The following TIGD3 variants were observed in gnomAD, a reference collection of about 807,000 sequenced individuals.
TIGD3 encodes tigger transposable element-derived protein 3.
In TIGD3, 7 loss-of-function variants were observed where a neutral mutation model predicts 14.8. That is an observed-to-expected ratio of 0.47 (90% CI 0.27 to 0.89). TIGD3 has a LOEUF of 0.89. Ranked by LOEUF, TIGD3 falls within the 40% of genes least tolerant of loss-of-function variation. The pLI is 0.13. For missense variants in TIGD3, 581 were observed against 611.0 expected (o/e 0.95, Z 0.52); for synonymous variants, 243 against 269.4 (o/e 0.90, Z 0.96).
chr11:65,355,934 G>T lies in TIGD3; in HGVS notation c.126G>T (p.Gln42His). Residue 42 changes from glutamine (Q) to histidine (H), a missense_variant, in exon 2 of 2, where the codon CAG (glutamine) becomes CAT (histidine). Transcript: ENST00000309880. ...TGGCCCGGCGCTTCCAGGTTTCCCA[G>T]CCCCAGATCTCGCGCATCTGCAAGA... is the stretch of plus-strand genomic sequence containing the variant. ...SEVARRFQVS[Q>H]PQISRICKNK... 1.2e-6 allele frequency: 2 copies of T among 1,613,902 alleles called. No individual in the cohort carries two copies. The highest frequency in any genetic ancestry group is 1.7e-6 in the Non-Finnish European group (2 of 1,180,040).
Position 65,357,335 on chromosome 11 carries a change from A to C in TIGD3, c.*111A>C, listed in dbSNP as rs779779182. ...TTCCTGTGGAAATAGAACTGTCGTA[A>C]AGGTGTAGAAGGGAGAGAAGTTGGG... On this transcript the variant is annotated 3_prime_UTR_variant, in exon 2 of 2. Coordinates refer to ENST00000309880, the MANE Select transcript of TIGD3 (RefSeq NM_145719.3). 2.2e-4 allele frequency: 229 copies of C among 1,026,306 alleles called. No homozygotes were observed. The highest frequency in any genetic ancestry group is 6.1e-4 in the Middle Eastern group (2 of 3,254). The allele number at this position is 1,026,306 out of a possible 1,614,324, so 63.6% of individuals were successfully genotyped here. A position where few individuals can be genotyped will look rare whatever the true frequency, so the allele number is the denominator to read the frequency against.
intron 1 of TIGD3, 56 bp downstream of exon 1, chr11:65,355,013 T>C (rs1370035657): frequency 1.3e-5 from 2 of 151,802 alleles, no homozygotes; most frequent in Admixed American, 1.3e-4. Flanking sequence ...CCCGCCGACA[T>C]ACTCCGGGTC....
At position 65,356,023 on chromosome 11, in the gene TIGD3, G is replaced by A. The variant is rs757073222; in HGVS notation, c.215G>A (p.Arg72Gln). The A allele has an allele frequency of 1.2e-5, 20 of 1,613,434 alleles. No individual in the cohort carries two copies. Among genetic ancestry groups the A allele is most frequent in the Admixed American group, 6.7e-5 (4 of 60,006 alleles). The change falls in exon 2 of 2, where the codon CGG (arginine) becomes CAG (glutamine). Residue 72 changes from arginine to glutamine, a missense_variant. Arg to Gln is a conservative substitution (Grantham distance 43). Coordinates refer to ENST00000309880, the MANE Select transcript of TIGD3 (RefSeq NM_145719.3). The surrounding 1 kb of genome is among the most constrained non-coding windows in gnomAD (Gnocchi z 5.2). ...GCCAACCGAGAGCGCAAGCGCAAGC[G>A]GGAGTCCAAGTACAGCGGGATCGAC... ...GTANRERKRK[R>Q]ESKYSGIDEA...
chr11:65,357,478 T>C lies in TIGD3; in HGVS notation c.*254T>C. ...GTTTCTAGACCCTGCTTGAAAGTTC[T>C]AGAGCCTTTGAAAGGGAGTTAGTCT... On this transcript the variant is annotated 3_prime_UTR_variant, in exon 2 of 2. Transcript: ENST00000309880. The C allele has an allele frequency of 2.2e-6, 1 of 461,100 alleles. No homozygotes were observed. The highest frequency in any genetic ancestry group is 2.6e-5 in the South Asian group (1 of 37,850). 28.6% of individuals were successfully genotyped at this position (461,100 alleles called of 1,614,324 possible).
At position 65,357,118 on chromosome 11, in the gene TIGD3, C is replaced by T. The variant is rs910465047; in HGVS notation, c.1310C>T (p.Ala437Val). ...PLPTKADALR[A>V]LGTLRRWFEC... Reference sequence around the variant, plus strand: ...CCCACCAAAGCTGATGCCCTCCGGGCCCTGGGCACCTTGAGGAGGTGGTTT... The same window carrying T: ...CCCACCAAAGCTGATGCCCTCCGGGTCCTGGGCACCTTGAGGAGGTGGTTT... The change falls in exon 2 of 2, where the codon GCC becomes GTC. Residue 437 changes from alanine (A) to valine (V), a missense_variant. Coordinates refer to ENST00000309880, the MANE Select transcript of TIGD3 (RefSeq NM_145719.3). 1 of 1,614,058 alleles carries T rather than the reference C, an allele frequency of 6.2e-7. No individual in the cohort carries two copies. The highest frequency in any genetic ancestry group is 8.5e-7 in the Non-Finnish European group (1 of 1,179,950).
chr11:65,354,820 C>A lies in TIGD3; in HGVS notation c.-154C>A, dbSNP rs1474813896. ...GCTGTGCGCGCGCCCGCCCGCCCGC[C>A]GTCCGCGCAGGCCCTCGGTCCGCTC... On this transcript the variant is annotated 5_prime_UTR_variant, in exon 1 of 2. Transcript: ENST00000309880. The A allele has an allele frequency of 2.0e-5, 3 of 151,270 alleles. No individual in the cohort carries two copies. The highest frequency in any genetic ancestry group is 1.3e-4 in the Admixed American group (2 of 15,178). 9.4% of individuals were successfully genotyped at this position (151,270 alleles called of 1,614,324 possible).
Position 65,356,540 on chromosome 11 carries a change from A to G in TIGD3, c.732A>G (p.Leu244=), listed in dbSNP as rs1854857533. ...ACCCGGACCTGGGCATCCCCTGGTT[A>G]GAGTGGTTGGCACAGTTTGACCGGG... ...SYHPDLGIPW[L]EWLAQFDRDM... The change falls in exon 2 of 2, where the codon TTA becomes TTG. Residue 244 remains leucine, a synonymous_variant. Transcript: ENST00000309880. The surrounding 1 kb of genome is among the most constrained non-coding windows in gnomAD (Gnocchi z 5.2). The G allele has an allele frequency of 1.2e-6, 2 of 1,607,204 alleles. No individual in the cohort carries two copies. Among genetic ancestry groups the G allele is most frequent in the South Asian group, 1.1e-5 (1 of 91,094 alleles).
chr11:65,355,647 G>C, intron 1 of TIGD3, 146 bp from the exon 2 acceptor site: 1 of 697,202 alleles, frequency 1.4e-6, no homozygotes, highest in East Asian at 2.8e-5. Context: ...GCTTCCACTC[G>C]GCCTAGCCAC....
rs759815586 is a variant in TIGD3 at position 65,357,166 on chromosome 11, A to G, written c.1358A>G (p.Glu453Gly). The G allele has an allele frequency of 2.5e-6, 4 of 1,614,180 alleles. No individual in the cohort carries two copies. In the South Asian group the frequency reaches 4.4e-5, roughly 18 times the overall value. The change falls in exon 2 of 2, where the codon GAG (glutamate) becomes GGG (glycine). Residue 453 changes from glutamate to glycine, a missense_variant. Transcript: ENST00000309880. ...RWFECNSTSP[E>G]LFEKFYDCEE... Reference sequence around the variant, plus strand: ...TTTGAATGCAACAGCACTTCTCCTGAGCTATTCGAAAAATTCTACGACTGT... The same window carrying G: ...TTTGAATGCAACAGCACTTCTCCTGGGCTATTCGAAAAATTCTACGACTGT...
rs1854857667 is a variant in TIGD3, at chr11:65,356,561, C to T, written c.753C>T (p.Asp251=). The T allele has an allele frequency of 1.2e-6, 2 of 1,607,844 alleles. No homozygotes were observed. Among genetic ancestry groups the T allele is most frequent in the Non-Finnish European group, 1.7e-6 (2 of 1,179,952 alleles). ...IPWLEWLAQF[D]RDMGQQGRQV... ...GGTTAGAGTGGTTGGCACAGTTTGA[C>T]CGGGACATGGGACAGCAGGGCCGAC... The change falls in exon 2 of 2, where the codon GAC becomes GAT. Residue 251 remains aspartate (D), a synonymous_variant. Coordinates refer to ENST00000309880, the MANE Select transcript of TIGD3 (RefSeq NM_145719.3). This position sits in a 1 kb window ranked among gnomAD's most constrained non-coding sequence, Gnocchi z 5.2.
chr11:65,356,299 T>C lies in TIGD3; in HGVS notation c.491T>C (p.Leu164Pro). 6.2e-7 allele frequency: 1 copy of C among 1,612,820 alleles called. No individual in the cohort carries two copies. Among genetic ancestry groups the C allele is most frequent in the Non-Finnish European group, 8.5e-7 (1 of 1,180,032 alleles). The change falls in exon 2 of 2, where the codon CTA (leucine) becomes CCA (proline). Residue 164 changes from leucine (L) to proline (P), a missense_variant. By Grantham distance (98) the Leu-to-Pro change is moderately conservative. Coordinates refer to ENST00000309880, the MANE Select transcript of TIGD3 (RefSeq NM_145719.3). This position sits in a 1 kb window ranked among gnomAD's most constrained non-coding sequence, Gnocchi z 5.2. Reference sequence around the variant, plus strand: ...TCCCAGGCTCAGCTGCCTCTTTCCCTAAAAGACTTCTCTCCAGAGGACGTG... The same window carrying C: ...TCCCAGGCTCAGCTGCCTCTTTCCCCAAAAGACTTCTCTCCAGAGGACGTG... ...LTSQAQLPLS[L>P]KDFSPEDVFG... is the part of the protein sequence containing the mutation.
Position 65,356,465 on chromosome 11 carries a change from C to G in TIGD3, c.657C>G (p.Ala219=). The change falls in exon 2 of 2, where the codon GCC becomes GCG. Residue 219 remains alanine, a synonymous_variant. Transcript: ENST00000309880. This position sits in a 1 kb window ranked among gnomAD's most constrained non-coding sequence, Gnocchi z 5.2. ...TACTGCTGGGTGGGCTCCAGGCTGC[C>G]CCGAGATGCTTCTTTGGGATCCGCA... is the stretch of plus-strand genomic sequence containing the variant. ...RRVLLGGLQA[A]PRCFFGIRSE... The G allele has an allele frequency of 6.2e-7, 1 of 1,607,804 alleles. No homozygotes were observed. Among genetic ancestry groups the G allele is most frequent in the Non-Finnish European group, 8.5e-7 (1 of 1,179,946 alleles).
rs911603999 is a variant in TIGD3 at position 65,354,920 on chromosome 11, T to C, written c.-54T>C. 1.3e-5 allele frequency: 2 copies of C among 151,182 alleles called. No homozygotes were observed. Among genetic ancestry groups the C allele is most frequent in the African/African-American group, 4.9e-5 (2 of 41,066 alleles). The allele number at this position is 151,182 out of a possible 1,614,324, so 9.4% of individuals were successfully genotyped here. ...CCGGACAGGGGCTCGGGAGCCGGGC[T>C]GGGGGCAGGGGCTGGAGCCGCGGGA... is the stretch of plus-strand genomic sequence containing the variant. On this transcript the variant is annotated 5_prime_UTR_variant, in exon 1 of 2. Transcript: ENST00000309880.
chr11:65,356,208 G>A lies in TIGD3; in HGVS notation c.400G>A (p.Gly134Ser). 4 of 1,612,088 alleles carry A rather than the reference G, an allele frequency of 2.5e-6. No individual in the cohort carries two copies. The highest frequency in any genetic ancestry group is 3.4e-6 in the Non-Finnish European group (4 of 1,179,960). ...CCGCTGGAAACGCCGAAACAACGTC[G>A]GCTTTGGGGCCCGCCATGTTCTTGC... ...LVRWKRRNNV[G>S]FGARHVLAPS... The change falls in exon 2 of 2, where the codon GGC becomes AGC. Residue 134 changes from glycine (G) to serine (S), a missense_variant. Transcript: ENST00000309880. The surrounding 1 kb of genome is among the most constrained non-coding windows in gnomAD (Gnocchi z 5.2).
chr11:65,356,144 C>A lies in TIGD3; in HGVS notation c.336C>A (p.Ile112=). 1 of 1,612,066 alleles carries A rather than the reference C, an allele frequency of 6.2e-7. No homozygotes were observed. Residue 112 remains isoleucine (I), a synonymous_variant, in exon 2 of 2, where the codon ATC becomes ATA. Coordinates refer to ENST00000309880, the MANE Select transcript of TIGD3 (RefSeq NM_145719.3). This position sits in a 1 kb window ranked among gnomAD's most constrained non-coding sequence, Gnocchi z 5.2. ...LLHKAKELAD[I]MGQDFVPSIG... ...ACAAAGCCAAGGAGCTGGCCGATAT[C>A]ATGGGCCAGGACTTCGTGCCCAGCA...
At position 65,356,076 on chromosome 11, in the gene TIGD3, G is replaced by C. The variant is rs1194469778; in HGVS notation, c.268G>C (p.Ala90Pro). ...GGCTCTGCTCTGCTGGTACCACATTGCCCGGGCCAAGGCCTGGGACGTGAC... is the reference window on the plus strand; with the variant it reads ...GGCTCTGCTCTGCTGGTACCACATTCCCCGGGCCAAGGCCTGGGACGTGAC... ...DEALLCWYHI[A>P]RAKAWDVTGP... Residue 90 changes from alanine (A) to proline (P), a missense_variant, in exon 2 of 2, where the codon GCC (alanine) becomes CCC (proline). Coordinates refer to ENST00000309880, the MANE Select transcript of TIGD3 (RefSeq NM_145719.3). This position sits in a 1 kb window ranked among gnomAD's most constrained non-coding sequence, Gnocchi z 5.2. 6.2e-7 allele frequency: 1 copy of C among 1,611,740 alleles called. No homozygotes were observed. Among genetic ancestry groups the C allele is most frequent in the Non-Finnish European group, 8.5e-7 (1 of 1,180,032 alleles).
chr11:65,355,862 C>T lies in TIGD3; in HGVS notation c.54C>T (p.Ile18=), dbSNP rs777550255. ...KLHALSLAEK[I]QVLELLDESK... ...ACGCCCTGTCCCTGGCCGAGAAGAT[C>T]CAGGTGCTGGAACTCCTGGATGAGT... Residue 18 remains isoleucine, a synonymous_variant, in exon 2 of 2, where the codon ATC becomes ATT. Transcript: ENST00000309880. The T allele has an allele frequency of 5.9e-5, 96 of 1,613,858 alleles. No individual in the cohort carries two copies. The South Asian group carries it at 1.0e-3, about 17-fold the overall frequency.
Position 65,356,466 on chromosome 11 carries a change from C to G in TIGD3, c.658C>G (p.Pro220Ala). 6.2e-7 allele frequency: 1 copy of G among 1,607,798 alleles called. No individual in the cohort carries two copies. The highest frequency in any genetic ancestry group is 8.5e-7 in the Non-Finnish European group (1 of 1,179,948). The change falls in exon 2 of 2, where the codon CCG (proline) becomes GCG (alanine). Residue 220 changes from proline (P) to alanine (A), a missense_variant. By Grantham distance (27) the Pro-to-Ala change is conservative. Coordinates refer to ENST00000309880, the MANE Select transcript of TIGD3 (RefSeq NM_145719.3). The surrounding 1 kb of genome is among the most constrained non-coding windows in gnomAD (Gnocchi z 5.2). Reference protein sequence around the residue: ...RVLLGGLQAAPRCFFGIRSEA... With the variant: ...RVLLGGLQAAARCFFGIRSEA... ...ACTGCTGGGTGGGCTCCAGGCTGCC[C>G]CGAGATGCTTCTTTGGGATCCGCAG...
intron 1 of TIGD3, 125 bp from the exon 2 acceptor site, chr11:65,355,668 A>T: frequency 1.2e-6 from 1 of 808,100 alleles, no homozygotes; most frequent in South Asian, 1.9e-5. Context: ...TTCCTCTTTC[A>T]GCGGGTCCAG....
Sources: gnomAD v4.1 joint callset for allele counts on GRCh38, gnomAD v4.1.1 for gene constraint, Gnocchi (gnomAD v3.1) non-coding constraint, MANE v1.5 for transcripts, NCBI Gene and HGNC (gene_info 2026-07-23, HGNC 2026-07-21) for gene names.